The following GLRX3 variants were observed in gnomAD, a reference collection of about 807,000 sequenced individuals.
GLRX3 encodes glutaredoxin-3.
A neutral mutation model predicts 49.5 loss-of-function variants in GLRX3; 22 were observed. The ratio of observed to expected loss-of-function variants is 0.44; its 90% CI spans 0.32 to 0.63. The LOEUF (loss-of-function observed/expected upper bound fraction) is 0.63, where lower values mean the gene tolerates loss of function less well. Ranked by LOEUF, GLRX3 falls within the 30% of genes least tolerant of loss-of-function variation. The pLI, the probability that GLRX3 is intolerant of heterozygous loss-of-function variation, is 0.05. For missense variants in GLRX3, 385 were observed against 396.3 expected (o/e 0.97, Z 0.24); for synonymous variants, 133 against 140.0 (o/e 0.95, Z 0.35).
chr10:130,166,459 G>A (rs1178666799), intron 4 of GLRX3, 48 bp from the exon 5 acceptor site: 1 of 1,408,886 alleles, frequency 7.1e-7, no homozygotes, highest in South Asian at 1.2e-5. Flanking sequence ...ATGTGTATGT[G>A]TTTTGGGAGA....
intron 10 of GLRX3, among the ~76,000 whole-genome samples, chr10:130,176,082 T>A (rs554990121): frequency 1.8e-4 from 27 of 152,296 alleles, no homozygotes; most frequent in African/African-American, 6.5e-4. Context: ...TAGCAAGTAG[T>A]ACTACTTCTA....
chr10:130,157,938 G>A (rs1469593551), intron 2 of GLRX3, among the ~76,000 whole-genome samples: 2 of 151,992 alleles, frequency 1.3e-5, no homozygotes, highest in Non-Finnish European at 1.5e-5. Context: ...TATTTCTAAC[G>A]AATTTTAGTG....
At chr10:130,137,061 T>C (rs534775539) in intron 1 of GLRX3, among the ~76,000 whole-genome samples, 75 of 152,358 alleles carry the variant, frequency 4.9e-4, no homozygotes, top group African/African-American at 1.7e-3. Flanking sequence ...GAAGGCCCCG[T>C]TGCATTAGCT....
intron 1 of GLRX3, among the ~76,000 whole-genome samples, chr10:130,144,798 AT>A (rs1333347777): frequency 6.6e-6 from 1 of 152,202 alleles, no homozygotes; most frequent in Non-Finnish European, 1.5e-5. Flanking sequence ...TAGTAGAATG[AT>A]TTATAATCTT....
intron 10 of GLRX3, among the ~76,000 whole-genome samples, chr10:130,176,191 C>T (rs1862916328): frequency 6.6e-6 from 1 of 150,942 alleles, no homozygotes; most frequent in African/African-American, 2.4e-5. Flanking sequence ...GCAATCTCGG[C>T]TCACTGCAGC....
At chr10:130,178,739 C>G (rs945810957) in intron 10 of GLRX3, among the ~76,000 whole-genome samples, 1 of 152,000 alleles carries the variant, frequency 6.6e-6, no homozygotes, top group African/African-American at 2.4e-5. Context: ...GAGTCTCGCT[C>G]TAGCCCAGGC....
chr10:130,169,013 C>T (rs989270976), intron 6 of GLRX3, among the ~76,000 whole-genome samples: 5 of 152,150 alleles, frequency 3.3e-5, no homozygotes, highest in African/African-American at 1.2e-4. Context: ...AACGCTGTCA[C>T]CCTGCAGTCC....
chr10:130,156,240 T>A (rs1190419113), intron 2 of GLRX3, among the ~76,000 whole-genome samples: 1 of 152,220 alleles, frequency 6.6e-6, no homozygotes, highest in Non-Finnish European at 1.5e-5. Context: ...TGGCACCTTG[T>A]TGCCGTGTCC....
intron 2 of GLRX3, among the ~76,000 whole-genome samples, chr10:130,147,622 A>C (rs1340062658): frequency 6.6e-6 from 1 of 152,220 alleles, no homozygotes; most frequent in South Asian, 2.1e-4. Context: ...TTTTTCTTTG[A>C]TTAGCCATCA....
intron 2 of GLRX3, among the ~76,000 whole-genome samples, chr10:130,157,176 A>C (rs4083551): frequency 1.3e-5 from 2 of 151,874 alleles, no homozygotes; most frequent in African/African-American, 4.8e-5. Context: ...TGCCCTCCAC[A>C]TGCTGGAGAA....
intron 2 of GLRX3, among the ~76,000 whole-genome samples, chr10:130,155,242 T>C (rs7087899): frequency 0.019 from 2,897 of 151,992 alleles, 105 homozygotes; most frequent in African/African-American, 0.067. Context: ...TGGAGGGTGG[T>C]GAGAGTGTGA....
chr10:130,154,717 T>A (rs888028629), intron 2 of GLRX3, among the ~76,000 whole-genome samples: 3 of 152,130 alleles, frequency 2.0e-5, no homozygotes, highest in African/African-American at 7.2e-5. Context: ...ATTCTTGGCT[T>A]AGGTATAGTG....
chr10:130,150,239 CAA>C (rs35014993), intron 2 of GLRX3, among the ~76,000 whole-genome samples: 19 of 94,486 alleles, frequency 2.0e-4, no homozygotes, highest in Non-Finnish European at 1.9e-4. Flanking sequence ...GACTCCATCT[CAA>C]AAAAAAAAAA....
At chr10:130,160,120 GCTAC>G (rs761369813) in intron 3 of GLRX3, 51 bp downstream of exon 3, 3 of 1,088,702 alleles carry the variant, frequency 2.8e-6, no homozygotes, top group East Asian at 2.4e-5. Context: ...GTGCCATGGG[GCTAC>G]CTATTTTGTT....
chr10:130,179,493 C>T lies in GLRX3; in HGVS notation c.*101C>T, dbSNP rs893252586. On this transcript the variant is annotated 3_prime_UTR_variant, in exon 11 of 11. Coordinates refer to ENST00000331244, the MANE Select transcript of GLRX3 (RefSeq NM_006541.5). ...AGAAATGGACTAGGAATAGAAAATT[C>T]CTGCTTTCTCAGTTACATGTTTTGT... is the stretch of plus-strand genomic sequence containing the variant. The T allele has an allele frequency of 2.7e-5, 19 of 694,590 alleles. No individual in the cohort carries two copies. The highest frequency in any genetic ancestry group is 5.6e-5 in the Admixed American group (2 of 35,434). The allele number at this position is 694,590 out of a possible 1,614,324, so 43.0% of individuals were successfully genotyped here.
chr10:130,160,800 C>T lies in GLRX3; in HGVS notation c.281C>T (p.Ser94Phe), dbSNP rs750066817. ...AAATAACTTTTTAAACTTTAGAATT[C>T]TCAGAAAATCGACCGATTAGATGGT... ...SVPTFLFFKN[S>F]QKIDRLDGAH... is the part of the protein sequence containing the mutation. Residue 94 changes from serine to phenylalanine, a missense_variant, in exon 4 of 11, where the codon TCT (serine) becomes TTT (phenylalanine). By Grantham distance (155) the Ser-to-Phe change is radical. This residue lies in a region of GLRX3 where 374 missense variants were observed against 358.6 expected (regional missense o/e 1.04). Coordinates refer to ENST00000331244, the MANE Select transcript of GLRX3 (RefSeq NM_006541.5). 5 of 1,576,948 alleles carry T rather than the reference C, an allele frequency of 3.2e-6. No homozygotes were observed. In the East Asian group the frequency reaches 8.9e-5, roughly 28 times the overall value.
chr10:130,150,310 C>G (rs1862350306), intron 2 of GLRX3, among the ~76,000 whole-genome samples: 1 of 151,902 alleles, frequency 6.6e-6, no homozygotes, highest in Non-Finnish European at 1.5e-5. Flanking sequence ...CTCTTGCTTT[C>G]CATGCAAGCC....
At chr10:130,171,530 A>G (rs1049052302) in intron 7 of GLRX3, 54 bp from the exon 8 acceptor site, 31 of 943,208 alleles carry the variant, frequency 3.3e-5, no homozygotes, top group Non-Finnish European at 4.8e-5. Flanking sequence ...AGGTACAACC[A>G]TGCTGCTTGG....
rs943547660 is a variant in GLRX3 at position 130,147,696 on chromosome 10, A to G, written c.201+2377A>G. On this transcript the variant is annotated intron_variant, in intron 2 of 10. Coordinates refer to ENST00000331244, the MANE Select transcript of GLRX3 (RefSeq NM_006541.5). ...GCTAATTAAAAGGCACTTGCCGGACAATAGTAAGCAAAAGAGAAGTAGAAT... is the reference window on the plus strand; with the variant it reads ...GCTAATTAAAAGGCACTTGCCGGACGATAGTAAGCAAAAGAGAAGTAGAAT... Among the ~76,000 whole-genome samples the G allele has an allele frequency of 7.0e-4, 106 of 152,366 alleles. 1 individual carries two copies. The highest frequency in any genetic ancestry group is 2.4e-3 in the African/African-American group (100 of 41,594).
Sources: gnomAD v4.1 joint callset for allele counts (sites outside exome capture counted in the v4.1 genomes callset) on GRCh38, gnomAD v4.1.1 for gene constraint, gnomAD v4.1.1 regional missense constraint, MANE v1.5 for transcripts, NCBI Gene and HGNC (gene_info 2026-07-23, HGNC 2026-07-21) for gene names.